Variants in FIRRM observed in about 807,000 individuals in gnomAD.
The protein encoded by FIRRM is FIGNL1-interacting regulator of recombination and mitosis.
the FIRRM span, chr1:169,792,518 A>C: frequency 7.2e-7 from 1 of 1,382,318 alleles, no homozygotes; most frequent in Non-Finnish European, 9.7e-7. Flanking sequence ...AACAGAAATC[A>C]AACACTCAAA....
the FIRRM span, among the ~76,000 whole-genome samples, chr1:169,820,986 A>G: frequency 7.2e-5 from 11 of 152,236 alleles, no homozygotes; most frequent in Non-Finnish European, 1.6e-4. Flanking sequence ...TACCTATGCT[A>G]GTATTTCTAT....
chr1:169,802,669 A>G, the FIRRM span: 1 of 1,613,324 alleles, frequency 6.2e-7, no homozygotes, highest in Non-Finnish European at 8.5e-7. Context: ...CAGTCAAGCC[A>G]GAGGACTGTC....
the FIRRM span, chr1:169,792,913 A>G: frequency 1.9e-6 from 3 of 1,614,148 alleles, no homozygotes; most frequent in Non-Finnish European, 2.5e-6. Context: ...ATCGGCATTT[A>G]TATAGTTGTG....
At chr1:169,829,266 A>C in the FIRRM span, 1 of 1,556,856 alleles carries the variant, frequency 6.4e-7, no homozygotes, top group East Asian at 2.3e-5. Flanking sequence ...CCTGCAGGAT[A>C]TCTCTACTCA....
At chr1:169,793,021 T>C in the FIRRM span, 1 of 1,614,176 alleles carries the variant, frequency 6.2e-7, no homozygotes, top group East Asian at 2.2e-5. Flanking sequence ...GTAAGGTTAC[T>C]TCATCAATCA....
the FIRRM span, chr1:169,799,059 A>C: frequency 2.2e-6 from 1 of 445,126 alleles, no homozygotes; most frequent in South Asian, 4.9e-5. Context: ...ATTCCCTTGA[A>C]ATGTAACTGT....
the FIRRM span, chr1:169,795,336 TTTTC>T: frequency 7.1e-7 from 1 of 1,414,614 alleles, no homozygotes; most frequent in Non-Finnish European, 9.3e-7. Flanking sequence ...GAACCCCCTC[TTTTC>T]TTTGTCAGTG....
At chr1:169,843,179 G>GT in the FIRRM span, among the ~76,000 whole-genome samples, 5 of 152,260 alleles carry the variant, frequency 3.3e-5, no homozygotes, top group Admixed American at 2.6e-4. Context: ...TTTTATTATT[G>GT]TTTTTTATGG....
the FIRRM span, among the ~76,000 whole-genome samples, chr1:169,839,223 A>G: frequency 6.6e-6 from 1 of 152,160 alleles, no homozygotes; most frequent in Non-Finnish European, 1.5e-5. Context: ...GTAGTGCTGC[A>G]ATGAACATGT....
the FIRRM span, chr1:169,852,607 G>A: frequency 3.2e-6 from 2 of 621,374 alleles, no homozygotes; most frequent in Non-Finnish European, 2.8e-6. Flanking sequence ...GAATTGCTAT[G>A]ATAAACCAAA....
At chr1:169,830,559 T>C in the FIRRM span, 2 of 875,436 alleles carry the variant, frequency 2.3e-6, no homozygotes, top group Admixed American at 2.4e-5. Context: ...GTTTTGTATA[T>C]TGTGATATTA....
At chr1:169,848,551 T>A in the FIRRM span, among the ~76,000 whole-genome samples, 1 of 152,194 alleles carries the variant, frequency 6.6e-6, no homozygotes, top group Non-Finnish European at 1.5e-5. Context: ...AAATTTAATT[T>A]CTAAGGGGCT....
chr1:169,837,178 C>A, the FIRRM span: 1 of 1,347,812 alleles, frequency 7.4e-7, no homozygotes, highest in South Asian at 1.8e-5. Flanking sequence ...GTTTTAGGTA[C>A]TGGGGTTAGG....
the FIRRM span, chr1:169,827,224 A>T: frequency 6.3e-7 from 1 of 1,592,086 alleles, no homozygotes. Flanking sequence ...AGATTTAATG[A>T]TAAATCATCT....
chr1:169,849,630 G>T, the FIRRM span: 1 of 1,513,718 alleles, frequency 6.6e-7, no homozygotes, highest in South Asian at 1.1e-5. Flanking sequence ...ATTTATCACA[G>T]TGACTTTCAA....
At chr1:169,820,640 C>T in the FIRRM span, among the ~76,000 whole-genome samples, 1 of 152,214 alleles carries the variant, frequency 6.6e-6, no homozygotes, top group East Asian at 1.9e-4. Context: ...TTTAAACCCA[C>T]CCTGTCTTAG....
the FIRRM span, among the ~76,000 whole-genome samples, chr1:169,849,189 A>C: frequency 2.0e-5 from 3 of 152,200 alleles, no homozygotes; most frequent in African/African-American, 2.4e-5. Context: ...GTGACATGCA[A>C]GTAAAAACCT....
chr1:169,827,690 T>G, the FIRRM span: 1 of 1,612,982 alleles, frequency 6.2e-7, no homozygotes, highest in South Asian at 1.1e-5. Flanking sequence ...GCTGAATTAA[T>G]GTGTTTTTAT....
At chr1:169,827,105 A>G in the FIRRM span, 1 of 1,613,954 alleles carries the variant, frequency 6.2e-7, no homozygotes, top group Non-Finnish European at 8.5e-7. Flanking sequence ...ACCAAGAGGA[A>G]ATAGCAGGTG....
Sources: allele counts gnomAD v4.1 joint callset (sites outside exome capture counted in the v4.1 genomes callset), GRCh38; gene constraint gnomAD v4.1.1; transcripts MANE v1.5; gene names NCBI Gene and HGNC (gene_info 2026-07-23, HGNC 2026-07-21).